Variants in MTMR12 observed in about 807,000 individuals in gnomAD.
MTMR12 encodes the protein myotubularin-related protein 12.
MTMR12 carries 33 observed loss-of-function variants against 96.7 expected under a neutral mutation model. The observed-to-expected ratio is 0.34, with a 90% confidence interval of 0.26 to 0.46. MTMR12 has a LOEUF of 0.46. Among genes scored for constraint, MTMR12 ranks in the 20% least tolerant of loss-of-function variants. The pLI, the probability that MTMR12 is intolerant of heterozygous loss-of-function variation, is 1.00. For missense variants in MTMR12, 721 were observed against 896.1 expected (o/e 0.80, Z 2.49); for synonymous variants, 298 against 327.2 (o/e 0.91, Z 0.96).
At chr5:32,238,366 A>C (rs1748324800) in intron 13 of MTMR12, among the ~76,000 whole-genome samples, 1 of 151,904 alleles carries the variant, frequency 6.6e-6, no homozygotes, top group Non-Finnish European at 1.5e-5. Context: ...CACCATGCCC[A>C]GTTTATTTTA....
chr5:32,239,078 T>C lies in MTMR12; in HGVS notation c.1267A>G (p.Ile423Val), dbSNP rs1318538107. ...CCACCCATGACCCACTCCTTTTGGA[T>C]GAGGCTCTGGAAACCAATTCTGGTT... ...CRTRIGFQSL[I>V]QKEWVMGGHC... Residue 423 changes from isoleucine to valine, a missense_variant, in exon 13 of 16, where the codon ATC becomes GTC. By Grantham distance (29) the Ile-to-Val change is conservative. Transcript: ENST00000382142. 1 of 1,610,468 alleles carries C rather than the reference T, an allele frequency of 6.2e-7. No homozygotes were observed. Among genetic ancestry groups the C allele is most frequent in the East Asian group, 2.2e-5 (1 of 44,862 alleles).
Position 32,228,524 on chromosome 5 carries a change from T to A in MTMR12, c.*1254A>T, listed in dbSNP as rs1316426599. 3 of 93,402 alleles carry A rather than the reference T, an allele frequency of 3.2e-5. No individual in the cohort carries two copies. Among genetic ancestry groups the A allele is most frequent in the African/African-American group, 1.0e-4 (3 of 28,686 alleles). 5.8% of individuals were successfully genotyped at this position (93,402 alleles called of 1,614,324 possible). A position where few individuals can be genotyped will look rare whatever the true frequency, so the allele number is the denominator to read the frequency against. Reference sequence around the variant, plus strand: ...TTTCCTGCATTAAAAAAAATATATATCATATATATGATATATATATCATAT... The same window carrying A: ...TTTCCTGCATTAAAAAAAATATATAACATATATATGATATATATATCATAT... On this transcript the variant is annotated 3_prime_UTR_variant, in exon 16 of 16. Coordinates refer to ENST00000382142, the MANE Select transcript of MTMR12 (RefSeq NM_001040446.3).
At chr5:32,286,764 G>A (rs533290513) in intron 1 of MTMR12, among the ~76,000 whole-genome samples, 4 of 152,304 alleles carry the variant, frequency 2.6e-5, no homozygotes, top group African/African-American at 9.6e-5. Context: ...GGCTTTACCT[G>A]ACAAGGGTTT....
At chr5:32,237,924 C>T (rs1481814704) in intron 13 of MTMR12, among the ~76,000 whole-genome samples, 1 of 151,684 alleles carries the variant, frequency 6.6e-6, no homozygotes, top group Non-Finnish European at 1.5e-5. Flanking sequence ...AGGTGGGTCA[C>T]TTGAGGTCAG....
At chr5:32,249,529 T>C (rs116160492) in intron 8 of MTMR12, among the ~76,000 whole-genome samples, 38 of 152,308 alleles carry the variant, frequency 2.5e-4, no homozygotes, top group African/African-American at 8.2e-4. Flanking sequence ...AGATACTGTG[T>C]CTACCTTCAG....
At chr5:32,242,674 C>A (rs1458364662) in intron 11 of MTMR12, among the ~76,000 whole-genome samples, 2 of 151,904 alleles carry the variant, frequency 1.3e-5, no homozygotes, top group South Asian at 4.2e-4. Context: ...CTCCTACCCC[C>A]CAGCCACCTT....
chr5:32,299,060 C>A (rs1751033656), intron 1 of MTMR12, among the ~76,000 whole-genome samples: 1 of 150,398 alleles, frequency 6.6e-6, no homozygotes, highest in East Asian at 1.9e-4. Flanking sequence ...AATGCGCACA[C>A]ACACACACAT....
At chr5:32,256,892 A>C (rs1259838438) in intron 7 of MTMR12, among the ~76,000 whole-genome samples, 1 of 152,260 alleles carries the variant, frequency 6.6e-6, no homozygotes, top group African/African-American at 2.4e-5. Flanking sequence ...TGGCTTGAAA[A>C]TCTATAGATG....
chr5:32,244,262 G>C (rs1748587394), intron 10 of MTMR12, among the ~76,000 whole-genome samples: 1 of 149,842 alleles, frequency 6.7e-6, no homozygotes, highest in African/African-American at 2.5e-5. Context: ...CTTGGCAACA[G>C]AGTGAGACCC....
chr5:32,249,803 A>T (rs1748844484), intron 8 of MTMR12, among the ~76,000 whole-genome samples: 1 of 152,144 alleles, frequency 6.6e-6, no homozygotes, highest in Non-Finnish European at 1.5e-5. Context: ...ATCTTGGGGC[A>T]AAGTAATCTG....
At chr5:32,240,510 TCTC>T (rs560826387) in intron 12 of MTMR12, among the ~76,000 whole-genome samples, 28 of 152,266 alleles carry the variant, frequency 1.8e-4, no homozygotes, top group Non-Finnish European at 4.1e-4. Flanking sequence ...AGCTTACACT[TCTC>T]CCTCCAGGAA....
intron 1 of MTMR12, among the ~76,000 whole-genome samples, chr5:32,304,572 T>G (rs963924879): frequency 1.3e-5 from 2 of 152,204 alleles, no homozygotes; most frequent in Admixed American, 6.5e-5. Flanking sequence ...CACCATCACA[T>G]AGGGTGGTTT....
At chr5:32,298,468 C>T (rs929660129) in intron 1 of MTMR12, among the ~76,000 whole-genome samples, 1 of 151,994 alleles carries the variant, frequency 6.6e-6, no homozygotes, top group Non-Finnish European at 1.5e-5. Context: ...TCCTAGAAGC[C>T]CTTGAGACAG....
chr5:32,298,466 G>A (rs1020919423), intron 1 of MTMR12, among the ~76,000 whole-genome samples: 1 of 152,120 alleles, frequency 6.6e-6, no homozygotes, highest in African/African-American at 2.4e-5. Context: ...CCTCCTAGAA[G>A]CCCTTGAGAC....
At chr5:32,238,972 C>G in intron 13 of MTMR12, 29 bp downstream of exon 13, 1 of 1,540,242 alleles carries the variant, frequency 6.5e-7, no homozygotes, top group Middle Eastern at 1.7e-4. Flanking sequence ...CTCCCTATGA[C>G]GGAAACAGTC....
intron 3 of MTMR12, 40 bp from the exon 4 acceptor site, chr5:32,271,945 T>G: frequency 1.6e-6 from 2 of 1,225,366 alleles, no homozygotes; most frequent in Non-Finnish European, 2.3e-6. Context: ...CTCCTCTGCA[T>G]ACTGTTAGAC....
chr5:32,243,775 G>A (rs1401534534), intron 10 of MTMR12, among the ~76,000 whole-genome samples, 176 bp from the exon 11 acceptor site: 3 of 152,170 alleles, frequency 2.0e-5, no homozygotes, highest in Admixed American at 1.3e-4. Flanking sequence ...AGCTGAAATG[G>A]TTTCTGAGCT....
intron 1 of MTMR12, among the ~76,000 whole-genome samples, chr5:32,297,432 G>A (rs1347735051): frequency 6.6e-6 from 1 of 152,152 alleles, no homozygotes; most frequent in African/African-American, 2.4e-5. Context: ...CTCCAGGGCA[G>A]GGGAACAGGC....
At chr5:32,294,422 C>T (rs1472397642) in intron 1 of MTMR12, among the ~76,000 whole-genome samples, 1 of 152,108 alleles carries the variant, frequency 6.6e-6, no homozygotes, top group Non-Finnish European at 1.5e-5. Context: ...CATTCCTCAG[C>T]CTCCTTAGTA....
Sources: gnomAD v4.1 joint callset for allele counts (sites outside exome capture counted in the v4.1 genomes callset) on GRCh38, gnomAD v4.1.1 for gene constraint, MANE v1.5 for transcripts, NCBI Gene and HGNC (gene_info 2026-07-23, HGNC 2026-07-21) for gene names.